Variants in BTN3A3 observed in about 807,000 individuals in gnomAD.
BTN3A3 encodes butyrophilin subfamily 3 member A3, also known as butyrophilin 3.
Under a neutral mutation model 43.2 loss-of-function variants are expected in BTN3A3, and 39 were observed. The observed-to-expected ratio is 0.90, with a 90% CI of 0.70 to 1.18. The LOEUF (loss-of-function observed/expected upper bound fraction) is 1.18, where lower values mean the gene tolerates loss of function less well. BTN3A3 is among the 50% of genes most tolerant of loss of function. The pLI is 0.00. For missense variants in BTN3A3, 631 were observed against 722.8 expected (o/e 0.87, Z 1.46); for synonymous variants, 255 against 272.7 (o/e 0.93, Z 0.64).
chr6:26,448,430 C>A lies in BTN3A3; in HGVS notation c.898C>A (p.Gln300Lys). The A allele has an allele frequency of 6.2e-7, 1 of 1,613,682 alleles. No homozygotes were observed. Among genetic ancestry groups the A allele is most frequent in the Non-Finnish European group, 8.5e-7 (1 of 1,179,860 alleles). ...AGAAATGGGATACGCTGCAACAGAG[C>A]AAGAAATAAGCCTAAGAGGTATCCA... Reference protein sequence around the residue: ...MKEMGYAATEQEISLREKLQE... With the variant: ...MKEMGYAATEKEISLREKLQE... The change falls in exon 6 of 11, where the codon CAA becomes AAA. Residue 300 changes from glutamine to lysine, a missense_variant. Around this residue, in one of 2 missense-constraint regions of BTN3A3, gnomAD observed 551 missense variants for 584.0 expected, o/e 0.94. Transcript: ENST00000244519.
intron 4 of BTN3A3, chr6:26,445,348 G>C (rs1762747593): frequency 3.7e-6 from 1 of 269,206 alleles, no homozygotes; most frequent in Non-Finnish European, 7.2e-6. Context: ...AGGTCTGGGT[G>C]CTTATTCCCT....
intron 3 of BTN3A3, 120 bp from the exon 4 acceptor site, chr6:26,443,837 G>T: frequency 1.3e-6 from 2 of 1,495,030 alleles, no homozygotes; most frequent in Non-Finnish European, 1.8e-6. Context: ...TGGTCCTTCT[G>T]TTAGGATTGT....
chr6:26,448,698 G>A, intron 7 of BTN3A3, 30 bp from the exon 8 acceptor site: 1 of 1,613,936 alleles, frequency 6.2e-7, no homozygotes, highest in Non-Finnish European at 8.5e-7. Flanking sequence ...TGAGCACCTT[G>A]ATAACCCTTC....
chr6:26,443,635 G>A lies in BTN3A3; in HGVS notation c.61G>A (p.Val21Ile). 1 of 1,614,138 alleles carries A rather than the reference G, an allele frequency of 6.2e-7. No homozygotes were observed. Among genetic ancestry groups the A allele is most frequent in the Non-Finnish European group, 8.5e-7 (1 of 1,180,024 alleles). ...CAACTTTCATGTCTCCCTCTTCTTG[G>A]TCCAGCTGCTCACTCCTTGCTCAGG... ...LLNFHVSLFLVQLLTPCSAQF... is the reference protein window; with the variant it reads ...LLNFHVSLFLIQLLTPCSAQF... The change falls in exon 3 of 11, where the codon GTC becomes ATC. Residue 21 changes from valine to isoleucine, a missense_variant. Val to Ile is a conservative substitution (Grantham distance 29). Around this residue, in one of 2 missense-constraint regions of BTN3A3, gnomAD observed 80 missense variants for 138.7 expected, o/e 0.58. Transcript: ENST00000244519.
rs561281491 is a variant in BTN3A3 at position 26,450,611 on chromosome 6, G to C, written c.1018+478G>C. Among the ~76,000 whole-genome samples, 69 of 152,326 alleles carry C rather than the reference G, an allele frequency of 4.5e-4. No homozygotes were observed. The South Asian group carries it at 0.013, about 29-fold the overall frequency. ...GTTTTGTGGGGGTGAGGTGAAGACT[G>C]AAGTAATAATAAATATCCACTGGTC... On this transcript the variant is annotated intron_variant, in intron 10 of 10. Coordinates refer to ENST00000244519, the MANE Select transcript of BTN3A3 (RefSeq NM_006994.5).
intron 4 of BTN3A3, 167 bp downstream of exon 4, chr6:26,444,471 C>G: frequency 9.0e-7 from 1 of 1,116,256 alleles, no homozygotes; most frequent in South Asian, 1.6e-5. Context: ...CACATTCTTT[C>G]TTTAGAAAGA....
chr6:26,449,825 G>A, intron 9 of BTN3A3, 137 bp downstream of exon 9: 1 of 1,178,872 alleles, frequency 8.5e-7, no homozygotes. Flanking sequence ...GCATGGTAGG[G>A]GGTTGACTTC....
rs759233948 is a variant in BTN3A3, at chr6:26,452,227, C to T, written c.1571C>T (p.Pro524Leu). The T allele has an allele frequency of 1.2e-6, 2 of 1,614,062 alleles. No homozygotes were observed. Among genetic ancestry groups the T allele is most frequent in the African/African-American group, 1.3e-5 (1 of 74,896 alleles). ...AAAGAAGTAGAGAGTTCCCCCGATC[C>T]TGACCTAGTGCCTGATCATTCCCTG... ...IPKEVESSPD[P>L]DLVPDHSLET... The change falls in exon 11 of 11, where the codon CCT becomes CTT. Residue 524 changes from proline to leucine, a missense_variant. Around this residue, in one of 2 missense-constraint regions of BTN3A3, gnomAD observed 551 missense variants for 584.0 expected, o/e 0.94. Coordinates refer to ENST00000244519, the MANE Select transcript of BTN3A3 (RefSeq NM_006994.5).
intron 8 of BTN3A3, 116 bp from the exon 9 acceptor site, chr6:26,449,546 A>G (rs891521224): frequency 1.8e-6 from 2 of 1,102,970 alleles, no homozygotes; most frequent in East Asian, 2.4e-5. Flanking sequence ...GAGTGAGACC[A>G]CAGGGAAGAG....
At chr6:26,446,244 G>A (rs1762776118) in intron 5 of BTN3A3, among the ~76,000 whole-genome samples, 1 of 152,132 alleles carries the variant, frequency 6.6e-6, no homozygotes, top group Admixed American at 6.5e-5. Context: ...GTGGGAATTG[G>A]GGAAAAACAT....
chr6:26,448,521 A>G (rs1276731072), intron 6 of BTN3A3, 73 bp downstream of exon 6: 5 of 1,607,178 alleles, frequency 3.1e-6, no homozygotes, highest in Non-Finnish European at 4.3e-6. Context: ...CCCCATTCCC[A>G]CCCTGACACT....
intron 5 of BTN3A3, among the ~76,000 whole-genome samples, chr6:26,447,115 G>A (rs1390523237): frequency 6.6e-6 from 1 of 152,096 alleles, no homozygotes; most frequent in Non-Finnish European, 1.5e-5. Context: ...CCATACAAGG[G>A]AATACTGCCC....
At chr6:26,441,998 A>G (rs1009459365) in intron 1 of BTN3A3, among the ~76,000 whole-genome samples, 2 of 152,218 alleles carry the variant, frequency 1.3e-5, no homozygotes, top group African/African-American at 4.8e-5. Flanking sequence ...CAACATAAAG[A>G]GAAGTTTTGA....
At chr6:26,449,717 G>T (rs200021250) in intron 9 of BTN3A3, 29 bp downstream of exon 9, 10 of 1,613,558 alleles carry the variant, frequency 6.2e-6, no homozygotes, top group Non-Finnish European at 8.5e-6. Context: ...CTCTGGGTTT[G>T]CTGGGTCATG....
At chr6:26,441,083 T>A (rs1169836318) in intron 1 of BTN3A3, among the ~76,000 whole-genome samples, 1 of 152,152 alleles carries the variant, frequency 6.6e-6, no homozygotes, top group Non-Finnish European at 1.5e-5. Context: ...ATATGTAAAT[T>A]TGTTCATTAC....
chr6:26,449,328 G>A, intron 8 of BTN3A3: 1 of 295,246 alleles, frequency 3.4e-6, no homozygotes, highest in Non-Finnish European at 6.3e-6. Context: ...GATACAGATT[G>A]AGAAGGGTGG....
intron 10 of BTN3A3, 137 bp downstream of exon 10, chr6:26,450,270 A>G: frequency 9.4e-7 from 1 of 1,068,836 alleles, no homozygotes; most frequent in Non-Finnish European, 1.4e-6. Flanking sequence ...TTAAATCCCA[A>G]TCTGAAAAGT....
rs1561862805 is a variant in BTN3A3 at position 26,448,308 on chromosome 6, CGTT to C, written c.778_780del (p.Leu263del). ...GCCCTGGCAGGGACCCTGCCTATCT[CGTT>C]GCTGCTTCTCGCAGGAGCCAGTTAC... On this transcript the variant is annotated inframe_deletion, in exon 6 of 11. Coordinates refer to ENST00000244519, the MANE Select transcript of BTN3A3 (RefSeq NM_006994.5). 1 of 1,613,788 alleles carries C rather than the reference CGTT, an allele frequency of 6.2e-7. No individual in the cohort carries two copies. Among genetic ancestry groups the C allele is most frequent in the East Asian group, 2.2e-5 (1 of 44,866 alleles).
intron 5 of BTN3A3, 28 bp downstream of exon 5, chr6:26,446,013 A>G: frequency 6.2e-7 from 1 of 1,612,336 alleles, no homozygotes; most frequent in Non-Finnish European, 8.5e-7. Context: ...CCTCAGCTTT[A>G]CTGAGCTGAG....
Sources: allele counts gnomAD v4.1 joint callset (sites outside exome capture counted in the v4.1 genomes callset), GRCh38; gene constraint gnomAD v4.1.1; regional missense constraint gnomAD v4.1.1; transcripts MANE v1.5; gene names NCBI Gene and HGNC (gene_info 2026-07-23, HGNC 2026-07-21).